Variants in FBXO15 observed in about 807,000 individuals in gnomAD.
The protein encoded by FBXO15 is F-box protein 15, also known as F-box only protein 15.
In FBXO15, 30 loss-of-function variants were observed where a neutral mutation model predicts 49.5. The ratio of observed to expected loss-of-function variants is 0.61; its 90% confidence interval spans 0.45 to 0.82. The LOEUF is 0.82. Among genes scored for constraint, FBXO15 ranks in the 40% least tolerant of loss-of-function variants. The pLI, the probability that FBXO15 is intolerant of heterozygous loss-of-function variation, is 0.00. For synonymous variants in FBXO15, 250 were observed against 232.7 expected (o/e 1.07, Z -0.68); for missense variants, 591 against 631.5 (o/e 0.94, Z 0.69).
intron 8 of FBXO15, among the ~76,000 whole-genome samples, chr18:74,087,838 A>G (rs1015292154): frequency 6.6e-6 from 1 of 152,224 alleles, no homozygotes; most frequent in African/African-American, 2.4e-5. Flanking sequence ...CCAGCAGTGT[A>G]TAAGTGTTCC....
intron 8 of FBXO15, among the ~76,000 whole-genome samples, chr18:74,093,782 T>C (rs1056177603): frequency 2.0e-5 from 3 of 152,220 alleles, no homozygotes; most frequent in South Asian, 4.1e-4. Flanking sequence ...CCTGTTAATG[T>C]TGATATTTTG....
At chr18:74,126,349 C>T (rs544626363) in intron 5 of FBXO15, among the ~76,000 whole-genome samples, 50 of 152,276 alleles carry the variant, frequency 3.3e-4, no homozygotes, top group South Asian at 6.2e-4. Flanking sequence ...ATGACCCAGC[C>T]GGGAGGAAGT....
chr18:74,080,316 C>T (rs751814036), intron 9 of FBXO15, among the ~76,000 whole-genome samples: 7 of 152,150 alleles, frequency 4.6e-5, no homozygotes, highest in Non-Finnish European at 8.8e-5. Context: ...AATACTGAAT[C>T]CAAGAGCATA....
At chr18:74,089,473 T>G (rs1912917630) in intron 8 of FBXO15, among the ~76,000 whole-genome samples, 1 of 152,224 alleles carries the variant, frequency 6.6e-6, no homozygotes, top group South Asian at 2.1e-4. Context: ...TATGTTGGAG[T>G]GGTGAGAGAG....
chr18:74,142,453 A>C (rs1286573049), intron 1 of FBXO15, among the ~76,000 whole-genome samples: 1 of 152,188 alleles, frequency 6.6e-6, no homozygotes, highest in Non-Finnish European at 1.5e-5. Context: ...GAACAACAGA[A>C]ATGTATTATG....
chr18:74,124,657 A>T (rs1338660141), intron 6 of FBXO15, 86 bp from the exon 7 acceptor site: 1 of 1,165,120 alleles, frequency 8.6e-7, no homozygotes, highest in African/African-American at 1.5e-5. Flanking sequence ...CAGCACATTC[A>T]TCTTGCAGAT....
At chr18:74,094,494 A>G (rs1387576254) in intron 8 of FBXO15, among the ~76,000 whole-genome samples, 1 of 152,174 alleles carries the variant, frequency 6.6e-6, no homozygotes, top group Non-Finnish European at 1.5e-5. Context: ...GAGCCAATAA[A>G]ATATCTTTTC....
intron 8 of FBXO15, among the ~76,000 whole-genome samples, chr18:74,104,196 T>A (rs984569201): frequency 2.6e-5 from 4 of 152,210 alleles, no homozygotes; most frequent in African/African-American, 9.6e-5. Flanking sequence ...CTTTTCTTTG[T>A]GTTCTAAGTT....
chr18:74,088,009 G>A (rs893070592), intron 8 of FBXO15, among the ~76,000 whole-genome samples: 21 of 152,106 alleles, frequency 1.4e-4, no homozygotes, highest in African/African-American at 4.1e-4. Flanking sequence ...CAGCATGTAC[G>A]TCTTCTTTTG....
intron 2 of FBXO15, among the ~76,000 whole-genome samples, chr18:74,136,876 CA>C (rs1978757659): frequency 6.6e-6 from 1 of 152,254 alleles, no homozygotes; most frequent in African/African-American, 2.4e-5. Context: ...ATAAAGGAGT[CA>C]GGGGAGAAAT....
intron 8 of FBXO15, chr18:74,122,567 T>C (rs1599171148): frequency 6.6e-6 from 1 of 152,338 alleles, no homozygotes; most frequent in East Asian, 1.9e-4. Flanking sequence ...GTCCACTAGA[T>C]GAAAGACTTT....
At chr18:74,124,703 T>G (rs1914630366) in intron 6 of FBXO15, 132 bp from the exon 7 acceptor site, 1 of 711,286 alleles carries the variant, frequency 1.4e-6, no homozygotes, top group Admixed American at 2.1e-5. Context: ...ATCACCACAG[T>G]GCTAATGCAT....
At chr18:74,097,994 C>T (rs1215630793) in intron 8 of FBXO15, 1 of 152,430 alleles carries the variant, frequency 6.6e-6, no homozygotes, top group Non-Finnish European at 1.5e-5. Context: ...GGTAGACCTA[C>T]CAGATGGCTA....
intron 9 of FBXO15, chr18:74,078,796 T>A (rs1235612469): frequency 1.3e-5 from 2 of 152,490 alleles, no homozygotes. Flanking sequence ...TGCGCTCCCA[T>A]GGACCAGTGA....
At chr18:74,085,906 C>T (rs2145114944) in intron 8 of FBXO15, among the ~76,000 whole-genome samples, 1 of 152,164 alleles carries the variant, frequency 6.6e-6, no homozygotes, top group Non-Finnish European at 1.5e-5. Context: ...CAGGAAAAAA[C>T]AACCAGGAAA....
At chr18:74,126,898 T>C (rs1978290279) in intron 5 of FBXO15, among the ~76,000 whole-genome samples, 2 of 152,248 alleles carry the variant, frequency 1.3e-5, no homozygotes, top group South Asian at 4.1e-4. Flanking sequence ...AAATAACTTC[T>C]TGTGCAGAGA....
intron 8 of FBXO15, among the ~76,000 whole-genome samples, chr18:74,104,738 A>G (rs1433374562): frequency 6.6e-6 from 1 of 152,184 alleles, no homozygotes; most frequent in Non-Finnish European, 1.5e-5. Context: ...GGATACAACA[A>G]TTATAAATAT....
chr18:74,117,895 C>G (rs897698579), intron 8 of FBXO15, among the ~76,000 whole-genome samples: 2 of 152,130 alleles, frequency 1.3e-5, no homozygotes, highest in African/African-American at 4.8e-5. Context: ...AAGTTCTAGA[C>G]AGTCCACTGA....
chr18:74,132,707 C>T (rs892442443), intron 3 of FBXO15, among the ~76,000 whole-genome samples: 6 of 152,162 alleles, frequency 3.9e-5, no homozygotes, highest in Non-Finnish European at 7.3e-5. Flanking sequence ...GATTCGAGGA[C>T]GAGGGCATAT....
Sources: gnomAD v4.1 joint callset for allele counts (sites outside exome capture counted in the v4.1 genomes callset) on GRCh38, gnomAD v4.1.1 for gene constraint, MANE v1.5 for transcripts, NCBI Gene and HGNC (gene_info 2026-07-23, HGNC 2026-07-21) for gene names.